CDO1: variants seen among roughly 807,000 people sequenced by gnomAD.
The protein encoded by CDO1 is cysteine dioxygenase type 1.
A neutral mutation model predicts 24.5 loss-of-function variants in CDO1; 19 were observed. That is an observed-to-expected ratio of 0.77 (90% CI 0.54 to 1.14). The LOEUF is 1.14. Ranked by LOEUF, CDO1 falls within the 50% of genes most tolerant of loss-of-function variation. CDO1 has a pLI of 0.00. For missense variants in CDO1, 244 were observed against 244.8 expected, an observed-to-expected ratio of 1.00 and a Z score of 0.02; for synonymous variants, 91 against 87.0, an observed-to-expected ratio of 1.05 and a Z score of -0.26.
intron 1 of CDO1, 41 bp downstream of exon 1, chr5:115,816,187 C>G (rs182476054): frequency 6.3e-7 from 1 of 1,589,612 alleles, no homozygotes; most frequent in Admixed American, 1.7e-5. Flanking sequence ...TCAGACGGGG[C>G]GAGTGGGCGC....
At chr5:115,814,827 C>T (rs1760357043) in intron 1 of CDO1, among the ~76,000 whole-genome samples, 2 of 152,198 alleles carry the variant, frequency 1.3e-5, no homozygotes, top group Non-Finnish European at 2.9e-5. Context: ...AGTCATTCAA[C>T]TTCTTCATTG....
intron 1 of CDO1, 73 bp downstream of exon 1, chr5:115,816,155 C>A (rs1042171852): frequency 2.3e-5 from 33 of 1,438,600 alleles, no homozygotes; most frequent in Non-Finnish European, 3.0e-5. Context: ...CTTTGGGCTG[C>A]GTCCCCCACG....
chr5:115,805,612 T>G, intron 4 of CDO1, 150 bp from the exon 5 acceptor site: 1 of 676,096 alleles, frequency 1.5e-6, no homozygotes. Flanking sequence ...AGAATATCTC[T>G]TAGGGTTTGG....
intron 3 of CDO1, among the ~76,000 whole-genome samples, chr5:115,810,315 A>G (rs190079513): frequency 8.5e-4 from 130 of 152,328 alleles, no homozygotes; most frequent in African/African-American, 3.0e-3. Flanking sequence ...TAGGCCAAAT[A>G]TCGAGGCCAG....
chr5:115,809,274 T>C (rs1760084449), intron 3 of CDO1, among the ~76,000 whole-genome samples: 1 of 152,148 alleles, frequency 6.6e-6, no homozygotes, highest in Admixed American at 6.5e-5. Flanking sequence ...TCCTTTATGG[T>C]CATGGTGTAC....
Position 115,816,144 on chromosome 5 carries a change from A to T in CDO1, c.170+84T>A. ...GCGGCCCGAGCTTCCCGAGCCAGTC[A>T]CTTTGGGCTGCGTCCCCCACGTCCA... is the stretch of plus-strand genomic sequence containing the variant. On this transcript the variant is annotated intron_variant, in intron 1 of 4. Transcript: ENST00000250535. The T allele has an allele frequency of 4.5e-6, 6 of 1,342,006 alleles. No individual in the cohort carries two copies. In the South Asian group the frequency reaches 7.9e-5, roughly 18 times the overall value. The allele number at this position is 1,342,006 out of a possible 1,614,324, so 83.1% of individuals were successfully genotyped here.
intron 1 of CDO1, 71 bp from the exon 2 acceptor site, chr5:115,813,329 T>G (rs1760281692): frequency 1.2e-6 from 1 of 817,400 alleles, no homozygotes. Context: ...AATAAGTGTG[T>G]CACCAAGTAC....
At chr5:115,811,351 AT>A in intron 2 of CDO1, 36 bp from the exon 3 acceptor site, 1 of 1,545,880 alleles carries the variant, frequency 6.5e-7, no homozygotes, top group Non-Finnish European at 8.9e-7. Context: ...AACTCAGTAG[AT>A]GGTCTAGTAT....
rs2112676875 is a variant in CDO1, at chr5:115,806,440, A to G, written c.482T>C (p.Phe161Ser). ...AVSLHLYSPPFDTCHAFDQRT... is the reference protein window; with the variant it reads ...AVSLHLYSPPSDTCHAFDQRT... ...TTGATCAAAGGCATGGCATGTATCA[A>G]AAGGTGGACTGTACAAGTGAAGGCT... The change falls in exon 4 of 5, where the codon TTT becomes TCT. Residue 161 changes from phenylalanine to serine, a missense_variant. By Grantham distance (155) the Phe-to-Ser change is radical. Transcript: ENST00000250535. The G allele has an allele frequency of 6.2e-7, 1 of 1,612,764 alleles. No individual in the cohort carries two copies. Among genetic ancestry groups the G allele is most frequent in the East Asian group, 2.2e-5 (1 of 44,798 alleles).
At chr5:115,816,089 G>A in intron 1 of CDO1, 139 bp downstream of exon 1, 2 of 799,308 alleles carry the variant, frequency 2.5e-6, no homozygotes, top group Non-Finnish European at 3.8e-6. Context: ...CCCGCGGCTG[G>A]CCAGCGAGGG....
At position 115,805,349 on chromosome 5, in the gene CDO1, G is replaced by A. The variant is rs1383143192; in HGVS notation, c.*84C>T. ...TATTGGCTTATTTAAGTATATTACT[G>A]GATAGCACGTGGTAGGTAGCCTTTT... On this transcript the variant is annotated 3_prime_UTR_variant, in exon 5 of 5. Coordinates refer to ENST00000250535, the MANE Select transcript of CDO1 (RefSeq NM_001801.3). 8.6e-7 allele frequency: 1 copy of A among 1,157,052 alleles called. No homozygotes were observed. Among genetic ancestry groups the A allele is most frequent in the Non-Finnish European group, 1.3e-6 (1 of 776,910 alleles). 71.7% of individuals were successfully genotyped at this position (1,157,052 alleles called of 1,614,324 possible). A position where few individuals can be genotyped will look rare whatever the true frequency, so the allele number is the denominator to read the frequency against.
In CDO1 at chr5:115,805,215, A is replaced by C. The variant is rs751498425; in HGVS notation, c.*218T>G. 8.5e-5 allele frequency: 41 copies of C among 484,178 alleles called. No individual in the cohort carries two copies. The highest frequency in any genetic ancestry group is 1.2e-4 in the Non-Finnish European group (34 of 274,032). The allele number at this position is 484,178 out of a possible 1,614,324, so 30.0% of individuals were successfully genotyped here. On this transcript the variant is annotated 3_prime_UTR_variant, in exon 5 of 5. Coordinates refer to ENST00000250535, the MANE Select transcript of CDO1 (RefSeq NM_001801.3). ...AGCACTTGAAAACTTGCCTTTAAAA[A>C]TCACAAGACTTTCTTTTCCTCAGTG...
At chr5:115,814,984 G>A (rs1305274708) in intron 1 of CDO1, among the ~76,000 whole-genome samples, 2 of 152,156 alleles carry the variant, frequency 1.3e-5, no homozygotes, top group Non-Finnish European at 2.9e-5. Context: ...CATGAACTAA[G>A]CTGATAGGAG....
At position 115,806,489 on chromosome 5, in the gene CDO1, T is replaced by C; in HGVS notation, c.433A>G (p.Ile145Val). ...CTCACAGCAGGTTCCGTATGGCTGA[T>C]GTTCTCTACTCGATGTAAGCCAATG... Reference protein sequence around the residue: ...DSIGLHRVENISHTEPAVSLH... With the variant: ...DSIGLHRVENVSHTEPAVSLH... The change falls in exon 4 of 5, where the codon ATC becomes GTC. Residue 145 changes from isoleucine (I) to valine (V), a missense_variant. By Grantham distance (29) the Ile-to-Val change is conservative. Coordinates refer to ENST00000250535, the MANE Select transcript of CDO1 (RefSeq NM_001801.3). 2 of 1,610,944 alleles carry C rather than the reference T, an allele frequency of 1.2e-6. No individual in the cohort carries two copies. The highest frequency in any genetic ancestry group is 1.1e-5 in the South Asian group (1 of 90,244).
chr5:115,805,528 A>G, intron 4 of CDO1, 66 bp from the exon 5 acceptor site: 1 of 1,451,504 alleles, frequency 6.9e-7, no homozygotes, highest in Admixed American at 1.7e-5. Flanking sequence ...AACTCCTTCT[A>G]AATAGTTCTG....
At chr5:115,807,971 T>A (rs1760019671) in intron 3 of CDO1, among the ~76,000 whole-genome samples, 1 of 146,086 alleles carries the variant, frequency 6.8e-6, no homozygotes, top group South Asian at 2.1e-4. Flanking sequence ...TGGGACCAGG[T>A]TTTTTTAAAA....
At chr5:115,811,740 G>A (rs999982076) in intron 2 of CDO1, among the ~76,000 whole-genome samples, 1 of 152,180 alleles carries the variant, frequency 6.6e-6, no homozygotes, top group African/African-American at 2.4e-5. Context: ...GTACCACACT[G>A]AGAAGATCCA....
chr5:115,805,779 C>G (rs1347382747), intron 4 of CDO1, among the ~76,000 whole-genome samples: 2 of 152,190 alleles, frequency 1.3e-5, no homozygotes, highest in Non-Finnish European at 2.9e-5. Context: ...GACTATTCCT[C>G]TAAATGACAA....
In CDO1 at chr5:115,805,295, A is replaced by G; in HGVS notation, c.*138T>C. On this transcript the variant is annotated 3_prime_UTR_variant, in exon 5 of 5. Coordinates refer to ENST00000250535, the MANE Select transcript of CDO1 (RefSeq NM_001801.3). ...CTATTTGCTTACTTAATGCCTTATA[A>G]TTAGCATCTGCCTTACAGTAGATCT... 4 of 677,214 alleles carry G rather than the reference A, an allele frequency of 5.9e-6. No individual in the cohort carries two copies. Among genetic ancestry groups the G allele is most frequent in the Non-Finnish European group, 1.0e-5 (4 of 395,142 alleles). The allele number at this position is 677,214 out of a possible 1,614,324, so 42.0% of individuals were successfully genotyped here.
Sources: gnomAD v4.1 joint callset for allele counts (sites outside exome capture counted in the v4.1 genomes callset) on GRCh38, gnomAD v4.1.1 for gene constraint, MANE v1.5 for transcripts, NCBI Gene and HGNC (gene_info 2026-07-23, HGNC 2026-07-21) for gene names.